MGAT4C: variants seen among roughly 807,000 people sequenced by gnomAD.
MGAT4C encodes MGAT4 family member C, also known as alpha-1,3-mannosyl-glycoprotein 4-beta-N-acetylglucosaminyltransferase C.
A neutral mutation model predicts 40.1 loss-of-function variants in MGAT4C; 19 were observed. The ratio of observed to expected loss-of-function variants is 0.47; its 90% CI spans 0.33 to 0.70. MGAT4C has a LOEUF of 0.70. Ranked by LOEUF, MGAT4C falls within the 30% of genes least tolerant of loss-of-function variation. The pLI is 0.02. For missense variants in MGAT4C, 491 were observed against 563.2 expected (o/e 0.87, Z 1.30); for synonymous variants, 181 against 187.1 (o/e 0.97, Z 0.27).
chr12:86,293,348 T>G (rs1953574214), intron 4 of MGAT4C, among the ~76,000 whole-genome samples: 1 of 152,182 alleles, frequency 6.6e-6, no homozygotes, highest in South Asian at 2.1e-4. Context: ...TGCTGAATTA[T>G]TATAAGATAA....
chr12:86,713,330 A>G (rs1950591787), intron 2 of MGAT4C, among the ~76,000 whole-genome samples: 1 of 152,082 alleles, frequency 6.6e-6, no homozygotes. Flanking sequence ...CCAAATGACA[A>G]TATGTTCAAA....
chr12:86,326,812 G>T (rs1954539509), intron 4 of MGAT4C, among the ~76,000 whole-genome samples: 1 of 151,922 alleles, frequency 6.6e-6, no homozygotes, highest in Non-Finnish European at 1.5e-5. Flanking sequence ...ATAATTAAAG[G>T]CAAAATATTT....
chr12:86,322,782 G>C (rs1954427878), intron 4 of MGAT4C, among the ~76,000 whole-genome samples: 1 of 151,886 alleles, frequency 6.6e-6, no homozygotes, highest in Non-Finnish European at 1.5e-5. Flanking sequence ...GAGTCATAGA[G>C]CATATATTTT....
At chr12:86,114,473 A>G (rs1278961809) in intron 1 of MGAT4C, among the ~76,000 whole-genome samples, 2 of 151,998 alleles carry the variant, frequency 1.3e-5, no homozygotes, top group African/African-American at 2.4e-5. Context: ...AGTTACAATG[A>G]ACAAGGCCAT....
intron 3 of MGAT4C, among the ~76,000 whole-genome samples, chr12:86,411,055 C>A (rs1298177493): frequency 6.6e-6 from 1 of 152,144 alleles, no homozygotes; most frequent in African/African-American, 2.4e-5. Context: ...GCCTGTGGAA[C>A]TGTTAGCTAA....
chr12:86,689,286 A>G (rs1477763806), intron 2 of MGAT4C, among the ~76,000 whole-genome samples: 1 of 152,128 alleles, frequency 6.6e-6, no homozygotes, highest in African/African-American at 2.4e-5. Flanking sequence ...CTGGGTTAGA[A>G]CACGCTCCTT....
intron 4 of MGAT4C, among the ~76,000 whole-genome samples, chr12:86,285,369 C>G (rs1381940963): frequency 6.6e-6 from 1 of 151,900 alleles, no homozygotes; most frequent in Non-Finnish European, 1.5e-5. Flanking sequence ...CACCGTGTAT[C>G]CAGTGTGTAG....
rs59869666 is a variant in MGAT4C at position 86,739,133 on chromosome 12, C to CAAAAAAAAAAAAA, written c.-261-11905_-261-11893dup. On this transcript the variant is annotated intron_variant, in intron 1 of 7. Coordinates refer to the MGAT4C transcript ENST00000548651. ...TTTAATTCAGCTATGTTTCCCTGTG[C>CAAAAAAAAAAAAA]AAAAAAAAAAAAAAAAAAAAAAAAA... Among the ~76,000 whole-genome samples the CAAAAAAAAAAAAA allele has an allele frequency of 1.0e-3, 41 of 39,786 alleles. 2 individuals are homozygous for CAAAAAAAAAAAAA. The highest frequency in any genetic ancestry group is 1.3e-3 in the Non-Finnish European group (32 of 23,924). 26.1% of individuals were successfully genotyped at this position (39,786 alleles called of 152,430 possible).
intron 2 of MGAT4C, among the ~76,000 whole-genome samples, chr12:86,034,288 C>T (rs56336308): frequency 0.065 from 9,768 of 149,176 alleles, 1,128 homozygotes; most frequent in Non-Finnish European, 0.098. Flanking sequence ...GGAAGGAGTC[C>T]CTTCTCTTCA....
chr12:86,767,546 G>T lies in MGAT4C; in HGVS notation c.-261-40305C>A, dbSNP rs540563797. Among the ~76,000 whole-genome samples the T allele has an allele frequency of 5.3e-5, 8 of 152,116 alleles. No individual in the cohort carries two copies. In the South Asian group the frequency reaches 8.3e-4, roughly 16 times the overall value. On this transcript the variant is annotated intron_variant, in intron 1 of 7. Transcript: ENST00000548651. ...CCAGCATCATCCTGATACCAAAGCT[G>T]GGCAGAGACACAACCAAAAAAGAGA...
chr12:86,312,679 A>C (rs1954109181), intron 4 of MGAT4C, among the ~76,000 whole-genome samples: 4 of 152,016 alleles, frequency 2.6e-5, no homozygotes, highest in Admixed American at 2.6e-4. Context: ...ATATAATGTA[A>C]ATAATATTTT....
At chr12:86,003,583 G>A (rs1887565807) in intron 2 of MGAT4C, among the ~76,000 whole-genome samples, 1 of 152,192 alleles carries the variant, frequency 6.6e-6, no homozygotes, top group Non-Finnish European at 1.5e-5. Context: ...AGTAAATTGA[G>A]ATTATGGCTA....
intron 1 of MGAT4C, among the ~76,000 whole-genome samples, chr12:86,182,565 CT>C (rs1888246510): frequency 6.6e-6 from 1 of 151,900 alleles, no homozygotes; most frequent in Non-Finnish European, 1.5e-5. Flanking sequence ...CTCTCTCTTC[CT>C]CCCTTCCTTT....
Position 86,597,177 on chromosome 12 carries a change from C to T in MGAT4C, c.-229+130032G>A, listed in dbSNP as rs187549587. Reference sequence around the variant, plus strand: ...CATGCTACATGCCTGAAATCCTGGACCAGGAACTGGTAAATACTTGTAGGT... The same window carrying T: ...CATGCTACATGCCTGAAATCCTGGATCAGGAACTGGTAAATACTTGTAGGT... On this transcript the variant is annotated intron_variant, in intron 2 of 7. Coordinates refer to the MGAT4C transcript ENST00000548651. Among the ~76,000 whole-genome samples the T allele has an allele frequency of 3.3e-5, 5 of 152,250 alleles. No individual in the cohort carries two copies. In the East Asian group the frequency reaches 9.6e-4, roughly 29 times the overall value.
chr12:85,987,541 G>A, intron 3 of MGAT4C, among the ~76,000 whole-genome samples: 1 of 152,174 alleles, frequency 6.6e-6, no homozygotes, highest in East Asian at 1.9e-4. Flanking sequence ...ATCTCATTGA[G>A]AAAGTAGCTT....
intron 1 of MGAT4C, among the ~76,000 whole-genome samples, chr12:86,153,164 T>C (rs1281963739): frequency 1.3e-5 from 2 of 151,954 alleles, no homozygotes; most frequent in African/African-American, 2.4e-5. Flanking sequence ...AAGCAGTGAG[T>C]TGCCCTCTCT....
rs984699079 is a variant in MGAT4C, at chr12:85,957,394, T to C, written c.*21895A>G. 1 of 152,170 alleles carries C rather than the reference T, an allele frequency of 6.6e-6. No homozygotes were observed. The highest frequency in any genetic ancestry group is 6.6e-5 in the Admixed American group (1 of 15,262). The allele number at this position is 152,170 out of a possible 1,614,324, so 9.4% of individuals were successfully genotyped here. On this transcript the variant is annotated 3_prime_UTR_variant, in exon 5 of 5. Transcript: ENST00000611864. ...CATTGAAGGGCATGGGCCAGAGATATGCATACAGAAATTGTCCCTCTAGCC... is the reference window on the plus strand; with the variant it reads ...CATTGAAGGGCATGGGCCAGAGATACGCATACAGAAATTGTCCCTCTAGCC...
At chr12:86,129,556 T>A (rs1267331139) in intron 1 of MGAT4C, among the ~76,000 whole-genome samples, 2 of 25,428 alleles carry the variant, frequency 7.9e-5, no homozygotes, top group Non-Finnish European at 1.2e-4. Context: ...TTTTTTTTTT[T>A]TTTTTTTTTT....
Position 85,959,899 on chromosome 12 carries a change from C to T in MGAT4C, c.*19390G>A, listed in dbSNP as rs1023710049. The stretch of plus-strand genomic sequence containing the variant: ...CTTTTGCTTATTAAAGGATTAAAAT[C>T]CACCTCTAAACTTATTTAGATCAAG... On this transcript the variant is annotated 3_prime_UTR_variant, in exon 5 of 5. Transcript: ENST00000611864. 5 of 151,846 alleles carry T rather than the reference C, an allele frequency of 3.3e-5. No homozygotes were observed. The highest frequency in any genetic ancestry group is 9.7e-5 in the African/African-American group (4 of 41,382). 9.4% of individuals were successfully genotyped at this position (151,846 alleles called of 1,614,324 possible).
Sources: gnomAD v4.1 joint callset for allele counts (sites outside exome capture counted in the v4.1 genomes callset) on GRCh38, gnomAD v4.1.1 for gene constraint, MANE v1.5 for transcripts, NCBI Gene and HGNC (gene_info 2026-07-23, HGNC 2026-07-21) for gene names.